PCDHGB1: variants seen among roughly 807,000 people sequenced by gnomAD.
PCDHGB1 encodes the protein protocadherin gamma subfamily B, 1, also known as protocadherin gamma-B1.
PCDHGB1 carries 34 observed loss-of-function variants against 56.6 expected under a neutral mutation model. The observed-to-expected ratio is 0.60, with a 90% CI of 0.46 to 0.80. The LOEUF (loss-of-function observed/expected upper bound fraction) is 0.80, where lower values mean the gene tolerates loss of function less well. PCDHGB1 is among the 30% of genes least tolerant of loss of function. The pLI is 0.00. For missense variants in PCDHGB1, 1,278 were observed against 1,204.6 expected, an observed-to-expected ratio of 1.06 and a Z score of -0.90; for synonymous variants, 561 against 505.9, an observed-to-expected ratio of 1.11 and a Z score of -1.46.
intron 1 of PCDHGB1, chr5:141,366,625 G>C: frequency 6.2e-7 from 1 of 1,614,274 alleles, no homozygotes; most frequent in Non-Finnish European, 8.5e-7. Flanking sequence ...ACTCGAGGAA[G>C]AGTCACCTGA....
At position 141,476,669 on chromosome 5, in the gene PCDHGB1, C is replaced by G; in HGVS notation, c.2410-18138C>G. ...AAATGAATACTTTGCGCTTCGCGTGCAGACGCGGGAGGACAGCACCAAGTA... is the reference window on the plus strand; with the variant it reads ...AAATGAATACTTTGCGCTTCGCGTGGAGACGCGGGAGGACAGCACCAAGTA... On this transcript the variant is annotated intron_variant, in intron 1 of 3. Coordinates refer to ENST00000523390, the MANE Select transcript of PCDHGB1 (RefSeq NM_018922.3). This position sits in a 1 kb window ranked among gnomAD's most constrained non-coding sequence, Gnocchi z 7.6. 6.2e-7 allele frequency: 1 copy of G among 1,614,246 alleles called. No individual in the cohort carries two copies. The highest frequency in any genetic ancestry group is 1.1e-5 in the South Asian group (1 of 91,086).
chr5:141,365,936 G>T, intron 1 of PCDHGB1: 1 of 1,614,202 alleles, frequency 6.2e-7, no homozygotes, highest in Non-Finnish European at 8.5e-7. Flanking sequence ...GACAGCCAGC[G>T]ACAGTGGGAA....
chr5:141,368,303 C>A lies in PCDHGB1; in HGVS notation c.2409+15634C>A, dbSNP rs981191656. ...CCACTTGATTTTTATTTTTTAAACA[C>A]TGTTAAAGAGCATTCAAGTATATCT... On this transcript the variant is annotated intron_variant, in intron 1 of 3. Transcript: ENST00000523390. Among the ~76,000 whole-genome samples, 12 of 152,184 alleles carry A rather than the reference C, an allele frequency of 7.9e-5. No homozygotes were observed. In the East Asian group the frequency reaches 2.3e-3, roughly 29 times the overall value.
intron 1 of PCDHGB1, among the ~76,000 whole-genome samples, chr5:141,457,046 T>A (rs2098905373): frequency 6.6e-6 from 1 of 152,198 alleles, no homozygotes; most frequent in South Asian, 2.1e-4. Flanking sequence ...ATAGTAAAAC[T>A]TTCATGCTTC....
intron 1 of PCDHGB1, chr5:141,360,585 A>G: frequency 1.2e-6 from 2 of 1,614,006 alleles, no homozygotes; most frequent in Non-Finnish European, 8.5e-7. Context: ...AGCCAGGTAC[A>G]ACATTTCCAC....
chr5:141,427,825 C>A (rs1342117815), intron 1 of PCDHGB1: 1 of 1,536,464 alleles, frequency 6.5e-7, no homozygotes, highest in Non-Finnish European at 8.9e-7. Flanking sequence ...GTGGTGGTCG[C>A]GCAGCGTGCC....
At chr5:141,469,790 T>G (rs956670031) in intron 1 of PCDHGB1, among the ~76,000 whole-genome samples, 2 of 152,224 alleles carry the variant, frequency 1.3e-5, no homozygotes, top group African/African-American at 4.8e-5. Context: ...GCGTTATTTG[T>G]AATTGCAAAA....
At chr5:141,364,980 G>C in intron 1 of PCDHGB1, 1 of 1,613,870 alleles carries the variant, frequency 6.2e-7, no homozygotes, top group Middle Eastern at 1.6e-4. Flanking sequence ...GCTTTAGATG[G>C]CGGAGACCCG....
rs1156915249 is a variant in PCDHGB1, at chr5:141,426,840, G to C, written c.2410-67967G>C. 8.8e-6 allele frequency: 4 copies of C among 456,584 alleles called. No individual in the cohort carries two copies. In the East Asian group the frequency reaches 2.8e-4, roughly 32 times the overall value. The allele number at this position is 456,584 out of a possible 1,614,324, so 28.3% of individuals were successfully genotyped here. A position where few individuals can be genotyped will look rare whatever the true frequency, so the allele number is the denominator to read the frequency against. On this transcript the variant is annotated intron_variant, in intron 1 of 3. Transcript: ENST00000523390. Reference sequence around the variant, plus strand: ...CTCTCTGATGATGGACAAGACTAAAGGCAAGAACGCTCCAGAATTAGTGCT... The same window carrying C: ...CTCTCTGATGATGGACAAGACTAAACGCAAGAACGCTCCAGAATTAGTGCT...
intron 1 of PCDHGB1, chr5:141,408,444 G>A (rs2095109468): frequency 6.2e-6 from 10 of 1,613,960 alleles, no homozygotes; most frequent in Non-Finnish European, 7.6e-6. Context: ...GACGCGGAGA[G>A]CGGGGACTTA....
In PCDHGB1 at chr5:141,486,329, A is replaced by C. The variant is rs1045072240; in HGVS notation, c.2410-8478A>C. 1.2e-6 allele frequency: 2 copies of C among 1,613,882 alleles called. No individual in the cohort carries two copies. Among genetic ancestry groups the C allele is most frequent in the African/African-American group, 2.7e-5 (2 of 74,866 alleles). ...AGACTCAGGGTCAAACGGAGATGTG[A>C]GCCTCCGCATTCCTGACCACTTGCC... On this transcript the variant is annotated intron_variant, in intron 1 of 3. Transcript: ENST00000523390. The surrounding 1 kb of genome is among the most constrained non-coding windows in gnomAD (Gnocchi z 5.0).
In PCDHGB1 at chr5:141,408,560, A is replaced by G. The variant is rs368143982; in HGVS notation, c.2409+55891A>G. The G allele has an allele frequency of 6.3e-5, 102 of 1,613,910 alleles. No homozygotes were observed. Among genetic ancestry groups the G allele is most frequent in the Non-Finnish European group, 8.4e-5 (99 of 1,179,898 alleles). On this transcript the variant is annotated intron_variant, in intron 1 of 3. Coordinates refer to ENST00000523390, the MANE Select transcript of PCDHGB1 (RefSeq NM_018922.3). ...AAATCCTTTAAATATTTTTCATGTC[A>G]TTGTGGTGATTGAGGATGTTAATGA... is the stretch of plus-strand genomic sequence containing the variant.
intron 1 of PCDHGB1, chr5:141,383,477 A>T: frequency 6.2e-7 from 1 of 1,613,722 alleles, no homozygotes; most frequent in Non-Finnish European, 8.5e-7. Context: ...AAGTACCCGG[A>T]ACTGGTGCTG....
intron 1 of PCDHGB1, chr5:141,383,896 G>A: frequency 6.2e-7 from 1 of 1,613,960 alleles, no homozygotes; most frequent in Non-Finnish European, 8.5e-7. Flanking sequence ...AAAGGCAAAA[G>A]TACTGATCAC....
rs755936344 is a variant in PCDHGB1, at chr5:141,490,704, C to T, written c.2410-4103C>T. ...ATCCAGACACTGGGGATAATGCCCG[C>T]CTCACCTACTCCATTGTAGGAAATC... On this transcript the variant is annotated intron_variant, in intron 1 of 3. Transcript: ENST00000523390. The surrounding 1 kb of genome is among the most constrained non-coding windows in gnomAD (Gnocchi z 5.4). 6.2e-7 allele frequency: 1 copy of T among 1,614,166 alleles called. No homozygotes were observed.
chr5:141,473,894 T>C (rs1224416966), intron 1 of PCDHGB1, among the ~76,000 whole-genome samples: 1 of 152,134 alleles, frequency 6.6e-6, no homozygotes, highest in Non-Finnish European at 1.5e-5. Context: ...GTTCTGTTGG[T>C]TCATGAAGAG....
intron 3 of PCDHGB1, among the ~76,000 whole-genome samples, chr5:141,509,211 C>T (rs962706371): frequency 2.0e-5 from 3 of 152,180 alleles, no homozygotes; most frequent in African/African-American, 4.8e-5. Context: ...CTCTCTATTT[C>T]TCAATCCCTG....
chr5:141,394,325 T>G (rs563526295), intron 1 of PCDHGB1: 3 of 1,614,012 alleles, frequency 1.9e-6, no homozygotes, highest in South Asian at 2.2e-5. Flanking sequence ...TGTCCTCGTA[T>G]ATCTCCATCA....
At chr5:141,419,084 G>A in intron 1 of PCDHGB1, 2 of 1,613,920 alleles carry the variant, frequency 1.2e-6, no homozygotes, top group Non-Finnish European at 1.7e-6. Flanking sequence ...AACAGATGAG[G>A]CCCTGGATCG....
Sources: allele counts gnomAD v4.1 joint callset (sites outside exome capture counted in the v4.1 genomes callset), GRCh38; gene constraint gnomAD v4.1.1; non-coding constraint Gnocchi (gnomAD v3.1); transcripts MANE v1.5; gene names NCBI Gene and HGNC (gene_info 2026-07-23, HGNC 2026-07-21).